Variants in HHAT observed in about 807,000 individuals in gnomAD.
HHAT encodes hedgehog acyltransferase.
Under a neutral mutation model 70.8 loss-of-function variants are expected in HHAT, and 47 were observed. The observed-to-expected ratio is 0.66, with a 90% CI of 0.53 to 0.85. HHAT has a LOEUF of 0.85. Among genes scored for constraint, HHAT ranks in the 40% least tolerant of loss-of-function variants. The pLI is 0.00. For missense variants in HHAT, 609 were observed against 604.8 expected, an observed-to-expected ratio of 1.01 and a Z score of -0.07; for synonymous variants, 228 against 247.6, an observed-to-expected ratio of 0.92 and a Z score of 0.74.
intron 7 of HHAT, among the ~76,000 whole-genome samples, chr1:210,431,002 T>A (rs1185228494): frequency 6.6e-6 from 1 of 151,944 alleles, no homozygotes; most frequent in Admixed American, 6.5e-5. Context: ...AGTCTGATTA[T>A]CCATTTTACT....
chr1:210,447,478 C>G (rs1413230853), intron 7 of HHAT, among the ~76,000 whole-genome samples: 14 of 152,200 alleles, frequency 9.2e-5, no homozygotes, highest in Non-Finnish European at 1.8e-4. Context: ...AGGCTTTAAT[C>G]ATACCCTTGG....
At chr1:210,587,680 A>G (rs992577237) in intron 9 of HHAT, among the ~76,000 whole-genome samples, 7 of 152,158 alleles carry the variant, frequency 4.6e-5, no homozygotes, top group Non-Finnish European at 8.8e-5. Context: ...AGAGCTCTTG[A>G]GCCTGTGTGT....
chr1:210,652,076 A>G (rs887037526), intron 11 of HHAT, among the ~76,000 whole-genome samples: 9 of 152,212 alleles, frequency 5.9e-5, no homozygotes, highest in Non-Finnish European at 1.2e-4. Flanking sequence ...CAGCCACTCT[A>G]TCATGACATT....
chr1:210,648,485 C>T (rs889199053), intron 11 of HHAT, among the ~76,000 whole-genome samples: 11 of 152,170 alleles, frequency 7.2e-5, no homozygotes, highest in South Asian at 4.2e-4. Flanking sequence ...AGGTTCTTTC[C>T]GTCTTTGCAG....
chr1:210,376,532 A>C (rs2090232702), intron 3 of HHAT, among the ~76,000 whole-genome samples: 1 of 152,188 alleles, frequency 6.6e-6, no homozygotes, highest in Non-Finnish European at 1.5e-5. Flanking sequence ...ACGCAAATAG[A>C]TTTCTGAAGA....
At chr1:210,641,581 T>C (rs12732352) in intron 11 of HHAT, among the ~76,000 whole-genome samples, 27,707 of 152,178 alleles carry the variant, frequency 0.18, 2,985 homozygotes, top group African/African-American at 0.29. Context: ...ATGCTTGTTT[T>C]GAAAATGCAA....
At chr1:210,543,567 C>T (rs1431802023) in intron 9 of HHAT, among the ~76,000 whole-genome samples, 2 of 152,110 alleles carry the variant, frequency 1.3e-5, no homozygotes, top group Non-Finnish European at 2.9e-5. Context: ...GCACTCCAAT[C>T]TGGGCCATAG....
Position 210,404,623 on chromosome 1 carries a change from T to C in HHAT, c.628T>C (p.Tyr210His), listed in dbSNP as rs1459691356. ...TCCCTGGATGCTGGCCTATGTCTTTTATTATCCAGTCTTACACAATGGGCC... is the reference window on the plus strand; with the variant it reads ...TCCCTGGATGCTGGCCTATGTCTTTCATTATCCAGTCTTACACAATGGGCC... ...SFPWMLAYVF[Y>H]YPVLHNGPIL... Residue 210 changes from tyrosine to histidine, a missense_variant, in exon 6 of 12, where the codon TAT becomes CAT. Coordinates refer to ENST00000261458, the MANE Select transcript of HHAT (RefSeq NM_018194.6). The C allele has an allele frequency of 6.2e-7, 1 of 1,614,136 alleles. No homozygotes were observed. Among genetic ancestry groups the C allele is most frequent in the East Asian group, 2.2e-5 (1 of 44,888 alleles).
intron 9 of HHAT, among the ~76,000 whole-genome samples, chr1:210,526,902 C>T (rs1210553195): frequency 6.6e-6 from 1 of 152,136 alleles, no homozygotes; most frequent in Admixed American, 6.5e-5. Context: ...TCCCAGTTTC[C>T]AGCACAGAGC....
intron 8 of HHAT, among the ~76,000 whole-genome samples, chr1:210,484,389 T>G (rs532217019): frequency 6.6e-6 from 1 of 152,308 alleles, no homozygotes; most frequent in African/African-American, 2.4e-5. Context: ...TGTCAGGGTA[T>G]GTCATCTGGA....
Position 210,597,442 on chromosome 1 carries a change from G to A in HHAT, c.1245+9343G>A, listed in dbSNP as rs367880293. Among the ~76,000 whole-genome samples, 38 of 152,204 alleles carry A rather than the reference G, an allele frequency of 2.5e-4. 1 individual carries two copies. The highest frequency in any genetic ancestry group is 9.1e-4 in the African/African-American group (38 of 41,536). Reference sequence around the variant, plus strand: ...TTATGGGTTCCTCCTGGTCCTGGGTGGGTCCTAAGATGCCATCCAGGAGCC... The same window carrying A: ...TTATGGGTTCCTCCTGGTCCTGGGTAGGTCCTAAGATGCCATCCAGGAGCC... On this transcript the variant is annotated intron_variant, in intron 10 of 11. Coordinates refer to ENST00000261458, the MANE Select transcript of HHAT (RefSeq NM_018194.6).
At chr1:210,653,932 ATGG>A in intron 11 of HHAT, among the ~76,000 whole-genome samples, 1 of 78 alleles carries the variant, frequency 0.013, no homozygotes, top group South Asian at 0.12. Context: ...GAATACTGTG[ATGG>A]GAATAGTGTG....
intron 11 of HHAT, among the ~76,000 whole-genome samples, chr1:210,625,301 C>T (rs182247355): frequency 6.6e-6 from 1 of 152,280 alleles, no homozygotes; most frequent in Non-Finnish European, 1.5e-5. Flanking sequence ...GAACCTAGCA[C>T]AATGATAAGA....
At chr1:210,652,487 C>T (rs1165530787) in intron 11 of HHAT, among the ~76,000 whole-genome samples, 2 of 152,178 alleles carry the variant, frequency 1.3e-5, no homozygotes, top group African/African-American at 4.8e-5. Context: ...CAGAGCCCAG[C>T]GTGTGAGCAC....
At chr1:210,436,177 T>TGGTTATCCAGTTTTCCCA (rs1233308054) in intron 7 of HHAT, among the ~76,000 whole-genome samples, 1 of 151,874 alleles carries the variant, frequency 6.6e-6, no homozygotes, top group Non-Finnish European at 1.5e-5. Context: ...CTTCTGCATG[T>TGGTTATCCAGTTTTCCCA]GGTTATCCAG....
chr1:210,363,828 C>G (rs1260747827), intron 3 of HHAT, among the ~76,000 whole-genome samples: 2 of 152,168 alleles, frequency 1.3e-5, no homozygotes, highest in Admixed American at 6.5e-5. Flanking sequence ...ATTCAATCAG[C>G]CTTTTGTGGG....
chr1:210,672,717 A>G (rs1341221788), intron 11 of HHAT, among the ~76,000 whole-genome samples: 1 of 152,220 alleles, frequency 6.6e-6, no homozygotes, highest in Non-Finnish European at 1.5e-5. Context: ...ATTGTTAAGT[A>G]ACAAATACTC....
intron 6 of HHAT, among the ~76,000 whole-genome samples, chr1:210,412,244 C>T (rs2092584370): frequency 6.6e-6 from 1 of 152,140 alleles, no homozygotes; most frequent in African/African-American, 2.4e-5. Context: ...GGGATGTAAA[C>T]ATTCAATTAA....
At chr1:210,568,553 T>C (rs1424823671) in intron 9 of HHAT, among the ~76,000 whole-genome samples, 2 of 152,204 alleles carry the variant, frequency 1.3e-5, no homozygotes, top group African/African-American at 4.8e-5. Context: ...CTGAGATTTA[T>C]TGAAAATGAA....
Sources: allele counts gnomAD v4.1 joint callset (sites outside exome capture counted in the v4.1 genomes callset), GRCh38; gene constraint gnomAD v4.1.1; transcripts MANE v1.5; gene names NCBI Gene and HGNC (gene_info 2026-07-23, HGNC 2026-07-21).